The following ASTE1 variants were observed in gnomAD, a reference collection of about 807,000 sequenced individuals.
ASTE1 encodes single-strand DNA endonuclease ASTE1.
A neutral mutation model predicts 45.8 loss-of-function variants in ASTE1; 49 were observed. That is an observed-to-expected ratio of 1.07 (90% CI 0.85 to 1.36). The LOEUF (loss-of-function observed/expected upper bound fraction) is 1.36, where lower values mean the gene tolerates loss of function less well. Among genes scored for constraint, ASTE1 ranks in the 40% most tolerant of loss-of-function variants. The pLI is 0.00. For missense variants in ASTE1, 709 were observed against 804.0 expected (o/e 0.88, Z 1.43); for synonymous variants, 296 against 303.9 (o/e 0.97, Z 0.27).
Position 131,013,977 on chromosome 3 carries a change from C to G in ASTE1, c.*80G>C. 9.7e-7 allele frequency: 1 copy of G among 1,029,252 alleles called. No homozygotes were observed. The highest frequency in any genetic ancestry group is 1.4e-6 in the Non-Finnish European group (1 of 711,670). The allele number at this position is 1,029,252 out of a possible 1,614,324, so 63.8% of individuals were successfully genotyped here. ...TAACAGGTCAGTCCTAAAGAAAAAG[C>G]TAATTGTTTCAAGGGTGGTAACGGA... On this transcript the variant is annotated 3_prime_UTR_variant, in exon 6 of 6. Coordinates refer to ENST00000264992, the MANE Select transcript of ASTE1 (RefSeq NM_014065.4).
chr3:131,021,716 T>C (rs1577109200), intron 3 of ASTE1, among the ~76,000 whole-genome samples: 1 of 152,196 alleles, frequency 6.6e-6, no homozygotes, highest in African/African-American at 2.4e-5. Flanking sequence ...GATGAAACTT[T>C]AGGGGTTATG....
intron 3 of ASTE1, among the ~76,000 whole-genome samples, chr3:131,021,591 A>C (rs2109094004): frequency 6.6e-6 from 1 of 152,356 alleles, no homozygotes; most frequent in South Asian, 2.1e-4. Context: ...ATAATGATTC[A>C]TCTGGATCTT....
At chr3:131,026,317 G>T (rs1204717682) in intron 1 of ASTE1, 190 bp downstream of exon 1, 1 of 152,230 alleles carries the variant, frequency 6.6e-6, no homozygotes. Flanking sequence ...TTTGTAAAGC[G>T]TCCATAAGCA....
intron 3 of ASTE1, among the ~76,000 whole-genome samples, chr3:131,021,956 GTT>G (rs1248025683): frequency 6.6e-6 from 1 of 152,148 alleles, no homozygotes; most frequent in African/African-American, 2.4e-5. Flanking sequence ...TGTGGGTAAA[GTT>G]TTAATAAATC....
intron 5 of ASTE1, 30 bp downstream of exon 5, chr3:131,016,114 A>G: frequency 6.2e-7 from 1 of 1,609,928 alleles, no homozygotes; most frequent in East Asian, 2.2e-5. Flanking sequence ...GTGTGCTTCC[A>G]TCTGAACTAA....
Position 131,014,191 on chromosome 3 carries a change from GTTTC to G in ASTE1, c.1902_1905del (p.Lys634AsnfsTer30), listed in dbSNP as rs1458610224. ...CTGTTCTTAGAACAGCTGGTATTCT[GTTTC>G]TTCTGCCTTTTTTTTTTTGAATTTG... On this transcript the variant is annotated frameshift_variant, in exon 6 of 6. Coordinates refer to ENST00000264992, the MANE Select transcript of ASTE1 (RefSeq NM_014065.4). LOFTEE classifies it low-confidence loss of function (END_TRUNC). The G allele has an allele frequency of 6.2e-7, 1 of 1,611,432 alleles. No individual in the cohort carries two copies. The highest frequency in any genetic ancestry group is 1.7e-5 in the Admixed American group (1 of 59,778).
Position 131,024,245 on chromosome 3 carries a change from G to A in ASTE1, c.1062C>T (p.Pro354=), listed in dbSNP as rs1338969485. ...GTTGCTGCATGTTTTCCACCTGTGTGGGAAGAATGGTCCGTCTTAGGACCA... is the reference window on the plus strand; with the variant it reads ...GTTGCTGCATGTTTTCCACCTGTGTAGGAAGAATGGTCCGTCTTAGGACCA... The part of the protein sequence containing the change: ...DALVLRRTIL[P]TQVENMQQPN... Residue 354 remains proline, a synonymous_variant, in exon 3 of 6, where the codon CCC becomes CCT. Transcript: ENST00000264992. 1.2e-6 allele frequency: 2 copies of A among 1,614,206 alleles called. No individual in the cohort carries two copies.
At chr3:131,016,802 GTATGAC>G in intron 4 of ASTE1, 1 of 373,078 alleles carries the variant, frequency 2.7e-6, no homozygotes, top group Non-Finnish European at 4.9e-6. Flanking sequence ...GGAAGCTAAA[GTATGAC>G]TTGGAGAATT....
chr3:131,024,241 G>C lies in ASTE1; in HGVS notation c.1066C>G (p.Gln356Glu), dbSNP rs766304746. ...TTTGGTTGCTGCATGTTTTCCACCT[G>C]TGTGGGAAGAATGGTCCGTCTTAGG... ...LVLRRTILPT[Q>E]VENMQQPNAH... The change falls in exon 3 of 6, where the codon CAG becomes GAG. Residue 356 changes from glutamine (Q) to glutamate (E), a missense_variant. Physicochemically the swap from Gln to Glu is conservative, Grantham distance 29. Coordinates refer to ENST00000264992, the MANE Select transcript of ASTE1 (RefSeq NM_014065.4). 6.2e-7 allele frequency: 1 copy of C among 1,614,120 alleles called. No homozygotes were observed. Among genetic ancestry groups the C allele is most frequent in the African/African-American group, 1.3e-5 (1 of 74,948 alleles).
chr3:131,020,502 T>C (rs2063728535), intron 3 of ASTE1, among the ~76,000 whole-genome samples: 1 of 152,230 alleles, frequency 6.6e-6, no homozygotes, highest in African/African-American at 2.4e-5. Flanking sequence ...AATGGTGCTC[T>C]GTCCATTGCA....
chr3:131,019,297 T>G (rs1463326431), intron 3 of ASTE1, among the ~76,000 whole-genome samples: 4 of 152,356 alleles, frequency 2.6e-5, no homozygotes, highest in Middle Eastern at 3.4e-3. Context: ...GTTGAATGCT[T>G]TATTGTCTTT....
At chr3:131,025,361 T>A (rs568913123) in intron 2 of ASTE1, 30 bp from the exon 3 acceptor site, 270 of 1,554,262 alleles carry the variant, frequency 1.7e-4, no homozygotes, top group Middle Eastern at 3.5e-4. Context: ...ACATTTTCAA[T>A]TGATGCTAGT....
At chr3:131,014,845 G>A (rs1318375277) in intron 5 of ASTE1, among the ~76,000 whole-genome samples, 1 of 152,112 alleles carries the variant, frequency 6.6e-6, no homozygotes, top group Non-Finnish European at 1.5e-5. Context: ...GTTTATTATG[G>A]ACAAAGCTGA....
rs2063485678 is a variant in ASTE1, at chr3:131,014,370, A to T, written c.1727T>A (p.Leu576Gln). ...PDLTRLYSGSLVHGLCQQLLA... is the reference protein window; with the variant it reads ...PDLTRLYSGSQVHGLCQQLLA... ...CAGTTGCTGGCATAGTCCGTGCACC[A>T]GGCTTCCACTGTACAGTCTGTTCAA... Residue 576 changes from leucine (L) to glutamine (Q), a missense_variant, in exon 6 of 6, where the codon CTG becomes CAG. Coordinates refer to ENST00000264992, the MANE Select transcript of ASTE1 (RefSeq NM_014065.4). The T allele has an allele frequency of 4.4e-6, 7 of 1,601,218 alleles. No homozygotes were observed. The highest frequency in any genetic ancestry group is 6.0e-6 in the Non-Finnish European group (7 of 1,175,606).
At chr3:131,018,049 G>A (rs2063686183) in intron 4 of ASTE1, among the ~76,000 whole-genome samples, 1 of 149,524 alleles carries the variant, frequency 6.7e-6, no homozygotes, top group South Asian at 2.1e-4. Context: ...GAAACCTACA[G>A]CAGAGAAAAA....
rs865800088 is a variant in ASTE1, at chr3:131,024,002, TACCTC to T, written c.1300_1302+2del. ...AAATTTCATTAGTATTACAAATACTTACCTCAGTCAATCTGCTTAAGTCAGAATGA... is the reference window on the plus strand; with the variant it reads ...AAATTTCATTAGTATTACAAATACTTAGTCAATCTGCTTAAGTCAGAATGA... On this transcript the variant is annotated splice_donor_variant and coding_sequence_variant, in exon 3 of 6. Coordinates refer to ENST00000264992, the MANE Select transcript of ASTE1 (RefSeq NM_014065.4). LOFTEE classifies it high-confidence loss of function. 1.1e-5 allele frequency: 18 copies of T among 1,579,014 alleles called. No homozygotes were observed. Among genetic ancestry groups the T allele is most frequent in the Non-Finnish European group, 1.5e-5 (17 of 1,161,494 alleles).
rs143953109 is a variant in ASTE1 at position 131,023,339 on chromosome 3, A to G, written c.1302+666T>C. 4.8e-3 allele frequency among the ~76,000 whole-genome samples: 735 copies of G among 152,072 alleles called. 10 individuals carry two copies. The highest frequency in any genetic ancestry group is 0.017 in the African/African-American group (694 of 41,476). ...AGTTCTTTTATCAGCATAGTTTCAT[A>G]TCTATTTGTAATTTTAAATATATAT... On this transcript the variant is annotated intron_variant, in intron 3 of 5. Transcript: ENST00000264992.
chr3:131,024,648 A>AC lies in ASTE1; in HGVS notation c.658dup (p.Val220GlyfsTer6). On this transcript the variant is annotated frameshift_variant, in exon 3 of 6. Transcript: ENST00000264992. LOFTEE classifies it high-confidence loss of function. The stretch of plus-strand genomic sequence containing the variant: ...ATTAACATGGTCATTTCCACATAGC[A>AC]CCGCAAAGAGAGGTAGTAGAGCTTT... 6.3e-7 allele frequency: 1 copy of AC among 1,596,630 alleles called. No homozygotes were observed. Among genetic ancestry groups the AC allele is most frequent in the Non-Finnish European group, 8.5e-7 (1 of 1,171,310 alleles).
chr3:131,016,842 A>AT lies in ASTE1; in HGVS notation c.1514-504dup, dbSNP rs1005200883. Reference sequence around the variant, plus strand: ...TTTGGCAAATAATCATTTTCTTTTCATAGTAGAGGATAAGGGGCAAGAAGC... The same window carrying AT: ...TTTGGCAAATAATCATTTTCTTTTCATTAGTAGAGGATAAGGGGCAAGAAGC... On this transcript the variant is annotated intron_variant, in intron 4 of 5. Coordinates refer to ENST00000264992, the MANE Select transcript of ASTE1 (RefSeq NM_014065.4). 5.1e-4 allele frequency: 237 copies of AT among 463,460 alleles called. 1 individual carries two copies. The highest frequency in any genetic ancestry group is 4.5e-3 in the African/African-American group (220 of 48,550). 28.7% of individuals were successfully genotyped at this position (463,460 alleles called of 1,614,324 possible). A position where few individuals can be genotyped will look rare whatever the true frequency, so the allele number is the denominator to read the frequency against.
Sources: gnomAD v4.1 joint callset for allele counts (sites outside exome capture counted in the v4.1 genomes callset) on GRCh38, gnomAD v4.1.1 for gene constraint, MANE v1.5 for transcripts, NCBI Gene and HGNC (gene_info 2026-07-23, HGNC 2026-07-21) for gene names.